Variants in ZCCHC24 observed in about 807,000 individuals in gnomAD.
ZCCHC24 encodes zinc finger CCHC domain-containing protein 24.
Under a neutral mutation model 26.2 loss-of-function variants are expected in ZCCHC24, and 10 were observed. That is an observed-to-expected ratio of 0.38 (90% CI 0.24 to 0.65). The LOEUF (loss-of-function observed/expected upper bound fraction) is 0.65. Among genes scored for constraint, ZCCHC24 ranks in the 30% least tolerant of loss-of-function variants. ZCCHC24 has a pLI of 0.54. For synonymous variants in ZCCHC24, 144 were observed against 147.1 expected (o/e 0.98, Z 0.15); for missense variants, 243 against 329.1 (o/e 0.74, Z 2.03).
chr10:79,408,185 T>C (rs893475232), intron 2 of ZCCHC24, among the ~76,000 whole-genome samples: 1 of 152,206 alleles, frequency 6.6e-6, no homozygotes, highest in Admixed American at 6.5e-5. Context: ...ATGTGGAGGC[T>C]GGTGGCAAGA....
At chr10:79,441,241 C>T (rs926109897) in intron 1 of ZCCHC24, among the ~76,000 whole-genome samples, 2 of 152,164 alleles carry the variant, frequency 1.3e-5, no homozygotes, top group East Asian at 1.9e-4. Flanking sequence ...AGCCCGTGGG[C>T]TTATCTCCGT....
At position 79,412,742 on chromosome 10, in the gene ZCCHC24, G is replaced by C. The variant is rs538760281; in HGVS notation, c.448-18302C>G. Among the ~76,000 whole-genome samples the C allele has an allele frequency of 6.2e-4, 95 of 152,346 alleles. 1 individual carries two copies. Among genetic ancestry groups the C allele is most frequent in the African/African-American group, 2.0e-3 (83 of 41,582 alleles). On this transcript the variant is annotated intron_variant, in intron 2 of 3. Transcript: ENST00000372336. ...CTGGCTGTGCGGTCCTGGAGACCTG[G>C]GTTTGAATCCCAACTTAGCCATTAC...
Position 79,403,104 on chromosome 10 carries a change from C to G in ZCCHC24, c.448-8664G>C, listed in dbSNP as rs115152440. On this transcript the variant is annotated intron_variant, in intron 2 of 3. Coordinates refer to ENST00000372336, the MANE Select transcript of ZCCHC24 (RefSeq NM_153367.4). ...AACCGTGACCCACACCAGTCGCGAA[C>G]TCCCCTAGCCACATACTCCTGGGCT... is the stretch of plus-strand genomic sequence containing the variant. Among the ~76,000 whole-genome samples the G allele has an allele frequency of 2.5e-3, 383 of 152,360 alleles. 2 individuals carry two copies. Among genetic ancestry groups the G allele is most frequent in the African/African-American group, 8.0e-3 (334 of 41,586 alleles).
Position 79,445,535 on chromosome 10 carries a change from C to T in ZCCHC24, c.-95G>A. ...CACCGGGGAGCCTGTGCCCACTGCC[C>T]GCCTCCCGAGCCCCGACGGTGATCG... On this transcript the variant is annotated 5_prime_UTR_variant, in exon 1 of 4. Coordinates refer to ENST00000372336, the MANE Select transcript of ZCCHC24 (RefSeq NM_153367.4). 2 of 1,115,764 alleles carry T rather than the reference C, an allele frequency of 1.8e-6. No homozygotes were observed. Among genetic ancestry groups the T allele is most frequent in the Non-Finnish European group, 2.2e-6 (2 of 890,586 alleles). The allele number at this position is 1,115,764 out of a possible 1,614,324, so 69.1% of individuals were successfully genotyped here. A position where few individuals can be genotyped will look rare whatever the true frequency, so the allele number is the denominator to read the frequency against.
At chr10:79,433,686 G>A (rs866643698) in intron 1 of ZCCHC24, among the ~76,000 whole-genome samples, 19 of 152,116 alleles carry the variant, frequency 1.2e-4, no homozygotes, top group African/African-American at 4.6e-4. Context: ...CCCAGCACAG[G>A]TGCCCAAGAA....
chr10:79,404,690 G>C (rs1180086149), intron 2 of ZCCHC24, among the ~76,000 whole-genome samples: 6 of 152,196 alleles, frequency 3.9e-5, no homozygotes, highest in Admixed American at 2.0e-4. Context: ...TCCTGCTGCA[G>C]TCACCGCCTG....
Position 79,445,343 on chromosome 10 carries a change from T to G in ZCCHC24, c.98A>C (p.Gln33Pro). 1 of 1,535,382 alleles carries G rather than the reference T, an allele frequency of 6.5e-7. No homozygotes were observed. The highest frequency in any genetic ancestry group is 1.4e-5 in the African/African-American group (1 of 70,292). ...WVYLSLQDTH[Q>P]ASAFDAFRPE... ...CCGGAAGGCATCGAAGGCGCTAGCC[T>G]GGTGCGTGTCCTGCAGCGACAGGTA... Residue 33 changes from glutamine to proline, a missense_variant, in exon 1 of 4, where the codon CAG (glutamine) becomes CCG (proline). By Grantham distance (76) the Gln-to-Pro change is moderately conservative. This residue lies in a region of ZCCHC24 where 147 missense variants were observed against 150.8 expected (regional missense o/e 0.97). Coordinates refer to ENST00000372336, the MANE Select transcript of ZCCHC24 (RefSeq NM_153367.4).
chr10:79,390,472 C>T (rs1022921558), intron 3 of ZCCHC24, among the ~76,000 whole-genome samples: 2 of 152,038 alleles, frequency 1.3e-5, no homozygotes, highest in South Asian at 2.1e-4. Flanking sequence ...AGCGAAGTCC[C>T]GGGTGAAATG....
chr10:79,408,521 G>A (rs1245651309), intron 2 of ZCCHC24, among the ~76,000 whole-genome samples: 1 of 152,142 alleles, frequency 6.6e-6, no homozygotes, highest in Non-Finnish European at 1.5e-5. Flanking sequence ...TATGAATTAG[G>A]CACCCACAAG....
At chr10:79,428,542 T>G in intron 2 of ZCCHC24, among the ~76,000 whole-genome samples, 1 of 152,230 alleles carries the variant, frequency 6.6e-6, no homozygotes, top group Non-Finnish European at 1.5e-5. Flanking sequence ...GATGTGAATG[T>G]ATTTAATGCC....
chr10:79,438,326 AC>A (rs1857244951), intron 1 of ZCCHC24, among the ~76,000 whole-genome samples: 1 of 151,994 alleles, frequency 6.6e-6, no homozygotes, highest in Non-Finnish European at 1.5e-5. Flanking sequence ...TACTTCCTCC[AC>A]CCCAGGCATC....
intron 2 of ZCCHC24, among the ~76,000 whole-genome samples, chr10:79,428,391 T>TATTTCAGTTTTGCAACATAA: frequency 9.3e-6 from 1 of 107,044 alleles, no homozygotes; most frequent in Non-Finnish European, 2.0e-5. Flanking sequence ...ATGGGTACAG[T>TATTTCAGTTTTGCAACATAA]ATTTCAGTTT....
At chr10:79,433,433 G>A (rs1857164053) in intron 1 of ZCCHC24, among the ~76,000 whole-genome samples, 1 of 152,228 alleles carries the variant, frequency 6.6e-6, no homozygotes, top group Non-Finnish European at 1.5e-5. Context: ...CAGATGACAG[G>A]AACCAGACAT....
In ZCCHC24 at chr10:79,430,452, C is replaced by T. The variant is rs151295931; in HGVS notation, c.447+2106G>A. Among the ~76,000 whole-genome samples the T allele has an allele frequency of 2.0e-3, 303 of 151,890 alleles. 1 individual carries two copies. The highest frequency in any genetic ancestry group is 6.3e-3 in the African/African-American group (261 of 41,404). ...ACAGAAATCCTGAGACTGGGGATCTCGTATACATTCTGCCCTCTCCACCTC... is the reference window on the plus strand; with the variant it reads ...ACAGAAATCCTGAGACTGGGGATCTTGTATACATTCTGCCCTCTCCACCTC... On this transcript the variant is annotated intron_variant, in intron 2 of 3. Transcript: ENST00000372336.
At chr10:79,444,387 T>C (rs1233403042) in intron 1 of ZCCHC24, 1 of 679,454 alleles carries the variant, frequency 1.5e-6, no homozygotes, top group Non-Finnish European at 1.8e-6. Context: ...CCAGTCAACT[T>C]TGTAACTGAA....
At chr10:79,416,981 G>T (rs1856871002) in intron 2 of ZCCHC24, among the ~76,000 whole-genome samples, 1 of 152,212 alleles carries the variant, frequency 6.6e-6, no homozygotes, top group Admixed American at 6.5e-5. Context: ...CACCACGGCA[G>T]ACACTGTGGA....
At chr10:79,411,126 A>G (rs1856785355) in intron 2 of ZCCHC24, among the ~76,000 whole-genome samples, 1 of 152,142 alleles carries the variant, frequency 6.6e-6, no homozygotes, top group Non-Finnish European at 1.5e-5. Context: ...CAGCCTCATG[A>G]TAACTGTTTG....
chr10:79,427,094 A>C (rs1485717028), intron 2 of ZCCHC24, among the ~76,000 whole-genome samples: 1 of 152,190 alleles, frequency 6.6e-6, no homozygotes, highest in East Asian at 1.9e-4. Context: ...TACTAGAGAA[A>C]AAGAAGGACA....
At chr10:79,440,745 T>A (rs1857282560) in intron 1 of ZCCHC24, among the ~76,000 whole-genome samples, 1 of 152,138 alleles carries the variant, frequency 6.6e-6, no homozygotes, top group Admixed American at 6.6e-5. Flanking sequence ...ACTAGGGCCA[T>A]CTCCTCCCGG....
Sources: gnomAD v4.1 joint callset for allele counts (sites outside exome capture counted in the v4.1 genomes callset) on GRCh38, gnomAD v4.1.1 for gene constraint, gnomAD v4.1.1 regional missense constraint, MANE v1.5 for transcripts, NCBI Gene and HGNC (gene_info 2026-07-23, HGNC 2026-07-21) for gene names.